Variants in TSPYL5 observed in about 807,000 individuals in gnomAD.
TSPYL5 encodes the protein testis-specific Y-encoded-like protein 5.
For missense variants in TSPYL5, 556 were observed against 555.5 expected (o/e 1.00, Z -0.01); for synonymous variants, 276 against 236.1 (o/e 1.17, Z -1.55).
rs1296224166 is a variant in TSPYL5, at chr8:97,273,524, T to C, written c.*3067A>G. The C allele has an allele frequency of 6.6e-6, 1 of 152,596 alleles. No homozygotes were observed. The highest frequency in any genetic ancestry group is 1.5e-5 in the Non-Finnish European group (1 of 68,026). The allele number at this position is 152,596 out of a possible 1,614,324, so 9.5% of individuals were successfully genotyped here. A position where few individuals can be genotyped will look rare whatever the true frequency, so the allele number is the denominator to read the frequency against. On this transcript the variant is annotated 3_prime_UTR_variant, in exon 1 of 1. Coordinates refer to ENST00000322128, the MANE Select transcript of TSPYL5 (RefSeq NM_033512.3). Reference sequence around the variant, plus strand: ...CAGGTTTTTATTTTTCCATCATGCATGCAAACTTACAACTATTTATACTGT... The same window carrying C: ...CAGGTTTTTATTTTTCCATCATGCACGCAAACTTACAACTATTTATACTGT...
rs1810476118 is a variant in TSPYL5, at chr8:97,274,294, G to C, written c.*2297C>G. The stretch of plus-strand genomic sequence containing the variant: ...TGTATCTTCCCATTAGACTAAAATG[G>C]GGAAAGTCGTAAGACTTTAAAGGCA... On this transcript the variant is annotated 3_prime_UTR_variant, in exon 1 of 1. Coordinates refer to ENST00000322128, the MANE Select transcript of TSPYL5 (RefSeq NM_033512.3). The C allele has an allele frequency of 1.3e-5, 2 of 152,048 alleles. No individual in the cohort carries two copies. Among genetic ancestry groups the C allele is most frequent in the Admixed American group, 1.3e-4 (2 of 15,278 alleles). 9.4% of individuals were successfully genotyped at this position (152,048 alleles called of 1,614,324 possible).
In TSPYL5 at chr8:97,277,514, A is replaced by T. The variant is rs771859939; in HGVS notation, c.331T>A (p.Ser111Thr). 18 of 1,518,604 alleles carry T rather than the reference A, an allele frequency of 1.2e-5. No individual in the cohort carries two copies. The highest frequency in any genetic ancestry group is 1.4e-5 in the Non-Finnish European group (16 of 1,138,390). The allele number at this position is 1,518,604 out of a possible 1,614,324, so 94.1% of individuals were successfully genotyped here. A position where few individuals can be genotyped will look rare whatever the true frequency, so the allele number is the denominator to read the frequency against. The change falls in exon 1 of 1, where the codon TCT becomes ACT. Residue 111 changes from serine to threonine, a missense_variant. Ser to Thr is a moderately conservative substitution (Grantham distance 58, BLOSUM62 1). Coordinates refer to ENST00000322128, the MANE Select transcript of TSPYL5 (RefSeq NM_033512.3). The surrounding 1 kb of genome is among the most constrained non-coding windows in gnomAD (Gnocchi z 4.5). ...TCTGCGGCCAGGCGCTCCGAGAGAG[A>T]TGCGGCCTTCCCCGGGCCGGGCCTG... ...AARPGPGKAA[S>T]LSERLAADTV...
Position 97,276,865 on chromosome 8 carries a change from G to A in TSPYL5, c.980C>T (p.Pro327Leu), listed in dbSNP as rs1810527818. ...ATCATGCCCTGGGAGCCACTGGATT[G>A]GAGTAGAACGAGACACCACCTGGCC... ...PSGQVVSRST[P>L]IQWLPGHDLQ... Residue 327 changes from proline (P) to leucine (L), a missense_variant, in exon 1 of 1, where the codon CCA becomes CTA. Physicochemically the swap from Pro to Leu is moderately conservative, Grantham distance 98 (BLOSUM62 -3). Transcript: ENST00000322128. 2 of 1,614,130 alleles carry A rather than the reference G, an allele frequency of 1.2e-6. No homozygotes were observed. Among genetic ancestry groups the A allele is most frequent in the Middle Eastern group, 1.6e-4 (1 of 6,062 alleles).
At position 97,273,782 on chromosome 8, in the gene TSPYL5, G is replaced by C. The variant is rs1278721705; in HGVS notation, c.*2809C>G. The C allele has an allele frequency of 1.3e-5, 2 of 152,388 alleles. No homozygotes were observed. Among genetic ancestry groups the C allele is most frequent in the Non-Finnish European group, 2.9e-5 (2 of 68,032 alleles). The allele number at this position is 152,388 out of a possible 1,614,324, so 9.4% of individuals were successfully genotyped here. On this transcript the variant is annotated 3_prime_UTR_variant, in exon 1 of 1. Coordinates refer to ENST00000322128, the MANE Select transcript of TSPYL5 (RefSeq NM_033512.3). The stretch of plus-strand genomic sequence containing the variant: ...TTGACATTCTGGTGAAGGGTCTCAA[G>C]TACCTTACCATATCAGAATTTTTGA...
chr8:97,277,410 G>C lies in TSPYL5; in HGVS notation c.435C>G (p.Ala145=). Residue 145 remains alanine (A), a synonymous_variant, in exon 1 of 1, where the codon GCC becomes GCG. Transcript: ENST00000322128. This position sits in a 1 kb window ranked among gnomAD's most constrained non-coding sequence, Gnocchi z 4.5. ...APRVGNRRGP[A]GKKAPETCST... is the part of the protein sequence containing the mutation. ...TACAGGTTTCTGGGGCCTTCTTCCC[G>C]GCAGGGCCACGCCGGTTTCCAACGC... 6.4e-7 allele frequency: 1 copy of C among 1,573,870 alleles called. No homozygotes were observed. The highest frequency in any genetic ancestry group is 8.6e-7 in the Non-Finnish European group (1 of 1,162,326).
chr8:97,276,124 T>C lies in TSPYL5; in HGVS notation c.*467A>G, dbSNP rs1389874688. ...AAGTTCTGGCTGATGACTAATACCA[T>C]GTGCACTGGCTTCATTCTGCAGTGG... On this transcript the variant is annotated 3_prime_UTR_variant, in exon 1 of 1. Transcript: ENST00000322128. The C allele has an allele frequency of 1.2e-5, 2 of 163,182 alleles. No individual in the cohort carries two copies. Among genetic ancestry groups the C allele is most frequent in the African/African-American group, 2.4e-5 (1 of 41,596 alleles). 10.1% of individuals were successfully genotyped at this position (163,182 alleles called of 1,614,324 possible).
In TSPYL5 at chr8:97,274,124, T is replaced by C. The variant is rs911765972; in HGVS notation, c.*2467A>G. The C allele has an allele frequency of 2.0e-5, 3 of 151,944 alleles. No individual in the cohort carries two copies. Among genetic ancestry groups the C allele is most frequent in the South Asian group, 2.1e-4 (1 of 4,814 alleles). 9.4% of individuals were successfully genotyped at this position (151,944 alleles called of 1,614,324 possible). On this transcript the variant is annotated 3_prime_UTR_variant, in exon 1 of 1. Coordinates refer to ENST00000322128, the MANE Select transcript of TSPYL5 (RefSeq NM_033512.3). ...GATACAGATGAAACCAGGTTGACCA[T>C]AGCTGATAAGTGATGCAGCTAGGTG...
rs1311926590 is a variant in TSPYL5, at chr8:97,276,604, C to T, written c.1241G>A (p.Ser414Asn). 2 of 1,612,896 alleles carry T rather than the reference C, an allele frequency of 1.2e-6. No homozygotes were observed. The highest frequency in any genetic ancestry group is 2.7e-5 in the African/African-American group (2 of 74,854). Residue 414 changes from serine to asparagine, a missense_variant, in exon 1 of 1, where the codon AGC (serine) becomes AAC (asparagine). Physicochemically the swap from Ser to Asn is conservative, Grantham distance 46. Coordinates refer to ENST00000322128, the MANE Select transcript of TSPYL5 (RefSeq NM_033512.3). ...QPMETTQPGVSQSN is the reference protein window; with the variant it reads ...QPMETTQPGVNQSN Reference sequence around the variant, plus strand: ...ACTTGTGCAGGATCAGTTGGATTGGCTCACCCCAGGCTGAGTAGTCTCCAT... The same window carrying T: ...ACTTGTGCAGGATCAGTTGGATTGGTTCACCCCAGGCTGAGTAGTCTCCAT...
At position 97,276,875 on chromosome 8, in the gene TSPYL5, G is replaced by C. The variant is rs867103164; in HGVS notation, c.970C>G (p.Arg324Gly). 1.2e-6 allele frequency: 2 copies of C among 1,614,148 alleles called. No individual in the cohort carries two copies. Among genetic ancestry groups the C allele is most frequent in the Non-Finnish European group, 8.5e-7 (1 of 1,180,018 alleles). Residue 324 changes from arginine to glycine, a missense_variant, in exon 1 of 1, where the codon CGT (arginine) becomes GGT (glycine). Physicochemically the swap from Arg to Gly is moderately radical, Grantham distance 125. Transcript: ENST00000322128. ...GCGPSGQVVS[R>G]STPIQWLPGH... ...GGGAGCCACTGGATTGGAGTAGAAC[G>C]AGACACCACCTGGCCAGAAGGACCA...
chr8:97,277,115 G>A lies in TSPYL5; in HGVS notation c.730C>T (p.Leu244Phe). The A allele has an allele frequency of 1.2e-6, 2 of 1,611,072 alleles. No individual in the cohort carries two copies. Among genetic ancestry groups the A allele is most frequent in the Non-Finnish European group, 1.7e-6 (2 of 1,180,026 alleles). ...CAGAAGCCCGGGATATTTTGGATGA[G>A]GTGGTTCCTGCGCTCCAAGTGCTGC... is the stretch of plus-strand genomic sequence containing the variant. ...RLQHLERRNH[L>F]IQNIPGFWGQ... Residue 244 changes from leucine to phenylalanine, a missense_variant, in exon 1 of 1, where the codon CTC (leucine) becomes TTC (phenylalanine). Leu to Phe is a conservative substitution (Grantham distance 22). Transcript: ENST00000322128. This position sits in a 1 kb window ranked among gnomAD's most constrained non-coding sequence, Gnocchi z 4.5.
At position 97,277,008 on chromosome 8, in the gene TSPYL5, G is replaced by A; in HGVS notation, c.837C>T (p.Ser279=). Residue 279 remains serine (S), a synonymous_variant, in exon 1 of 1, where the codon AGC becomes AGT. Coordinates refer to ENST00000322128, the MANE Select transcript of TSPYL5 (RefSeq NM_033512.3). This position sits in a 1 kb window ranked among gnomAD's most constrained non-coding sequence, Gnocchi z 4.5. The part of the protein sequence containing the change: ...QEKEVLSYLN[S]LEVEELGLAR... ...CAAGGCCGAGCTCTTCCACTTCCAA[G>A]CTGTTTAAGTAGCTCAGTACCTCTT... 3 of 1,614,228 alleles carry A rather than the reference G, an allele frequency of 1.9e-6. No homozygotes were observed. Among genetic ancestry groups the A allele is most frequent in the Non-Finnish European group, 1.7e-6 (2 of 1,180,046 alleles).
rs1355768739 is a variant in TSPYL5 at position 97,275,788 on chromosome 8, T to G, written c.*803A>C. 6.6e-6 allele frequency: 1 copy of G among 152,312 alleles called. No homozygotes were observed. The highest frequency in any genetic ancestry group is 1.5e-5 in the Non-Finnish European group (1 of 68,168). The allele number at this position is 152,312 out of a possible 1,614,324, so 9.4% of individuals were successfully genotyped here. A position where few individuals can be genotyped will look rare whatever the true frequency, so the allele number is the denominator to read the frequency against. Reference sequence around the variant, plus strand: ...GGGGCCTCGGTCCACAGGCAGTTCTTGAGGTCCTTGTTGACCAGGAAGCCA... The same window carrying G: ...GGGGCCTCGGTCCACAGGCAGTTCTGGAGGTCCTTGTTGACCAGGAAGCCA... On this transcript the variant is annotated 3_prime_UTR_variant, in exon 1 of 1. Coordinates refer to ENST00000322128, the MANE Select transcript of TSPYL5 (RefSeq NM_033512.3).
Position 97,274,316 on chromosome 8 carries a change from G to T in TSPYL5, c.*2275C>A, listed in dbSNP as rs1405569078. Reference sequence around the variant, plus strand: ...ATGGGGAAAGTCGTAAGACTTTAAAGGCAAAATGTGCAGCATATAGCATTC... The same window carrying T: ...ATGGGGAAAGTCGTAAGACTTTAAATGCAAAATGTGCAGCATATAGCATTC... On this transcript the variant is annotated 3_prime_UTR_variant, in exon 1 of 1. Transcript: ENST00000322128. The T allele has an allele frequency of 1.3e-5, 2 of 151,944 alleles. No individual in the cohort carries two copies. The highest frequency in any genetic ancestry group is 2.4e-5 in the African/African-American group (1 of 41,358). 9.4% of individuals were successfully genotyped at this position (151,944 alleles called of 1,614,324 possible).
rs1204666870 is a variant in TSPYL5 at position 97,277,582 on chromosome 8, G to T, written c.263C>A (p.Ala88Glu). 1.4e-6 allele frequency: 2 copies of T among 1,461,412 alleles called. No individual in the cohort carries two copies. The highest frequency in any genetic ancestry group is 1.4e-5 in the South Asian group (1 of 69,904). The allele number at this position is 1,461,412 out of a possible 1,614,324, so 90.5% of individuals were successfully genotyped here. The change falls in exon 1 of 1, where the codon GCG becomes GAG. Residue 88 changes from alanine (A) to glutamate (E), a missense_variant. Physicochemically the swap from Ala to Glu is moderately radical, Grantham distance 107 (BLOSUM62 -1). Coordinates refer to ENST00000322128, the MANE Select transcript of TSPYL5 (RefSeq NM_033512.3). This position sits in a 1 kb window ranked among gnomAD's most constrained non-coding sequence, Gnocchi z 4.5. ...ACRLPLDCGL[A>E]LRARAAGDHG... ...GTCCCCCGCAGCTCGGGCCCGCAGC[G>T]CGAGGCCACAGTCCAGGGGGAGCCG...
Position 97,277,232 on chromosome 8 carries a change from G to A in TSPYL5, c.613C>T (p.Leu205=). The change falls in exon 1 of 1, where the codon CTG becomes TTG. Residue 205 remains leucine (L), a synonymous_variant. Transcript: ENST00000322128. The surrounding 1 kb of genome is among the most constrained non-coding windows in gnomAD (Gnocchi z 4.5). ...PPATEGSMDT[L]ENVQLKLENM... ...TCCAGCTTCAGCTGCACGTTCTCCAGCGTATCCATGCTGCCTTCCGTCGCT... is the reference window on the plus strand; with the variant it reads ...TCCAGCTTCAGCTGCACGTTCTCCAACGTATCCATGCTGCCTTCCGTCGCT... 1.9e-6 allele frequency: 3 copies of A among 1,613,816 alleles called. No homozygotes were observed. Among genetic ancestry groups the A allele is most frequent in the Non-Finnish European group, 2.5e-6 (3 of 1,180,028 alleles).
In TSPYL5 at chr8:97,276,809, T is replaced by C. The variant is rs761287040; in HGVS notation, c.1036A>G (p.Asn346Asp). 1 of 1,614,140 alleles carries C rather than the reference T, an allele frequency of 6.2e-7. No individual in the cohort carries two copies. The highest frequency in any genetic ancestry group is 8.5e-7 in the Non-Finnish European group (1 of 1,180,012). Residue 346 changes from asparagine to aspartate, a missense_variant, in exon 1 of 1, where the codon AAC becomes GAC. Asn to Asp is a conservative substitution (Grantham distance 23). Transcript: ENST00000322128. ...AACCACCCAAAGAAACTACGGTTGT[T>C]TTCTGGGTTTCCCTGGCTTAGGGAC... ...LQSLSQGNPE[N>D]NRSFFGWFSN...
At position 97,276,858 on chromosome 8, in the gene TSPYL5, C is replaced by T. The variant is rs754875213; in HGVS notation, c.987G>A (p.Gln329=). 5 of 1,614,176 alleles carry T rather than the reference C, an allele frequency of 3.1e-6. 1 individual carries two copies. The South Asian group carries it at 4.4e-5, about 14-fold the overall frequency. ...GQVVSRSTPI[Q]WLPGHDLQSL... ...ACTGGAGATCATGCCCTGGGAGCCA[C>T]TGGATTGGAGTAGAACGAGACACCA... Residue 329 remains glutamine, a synonymous_variant, in exon 1 of 1, where the codon CAG becomes CAA. Transcript: ENST00000322128.
At position 97,277,783 on chromosome 8, in the gene TSPYL5, G is replaced by C; in HGVS notation, c.62C>G (p.Ala21Gly). Residue 21 changes from alanine (A) to glycine (G), a missense_variant, in exon 1 of 1, where the codon GCC becomes GGC. By Grantham distance (60) the Ala-to-Gly change is moderately conservative (BLOSUM62 0). Transcript: ENST00000322128. This position sits in a 1 kb window ranked among gnomAD's most constrained non-coding sequence, Gnocchi z 4.5. ...CGGAGCAGGGCGGACTCGGGCTTTG[G>C]CGCGGCCTTTGCCCCGGTTTTTGGC... ...SRAKNRGKGR[A>G]KARVRPAPDD... 6.6e-7 allele frequency: 1 copy of C among 1,504,678 alleles called. No individual in the cohort carries two copies. The highest frequency in any genetic ancestry group is 1.3e-5 in the South Asian group (1 of 77,494). 93.2% of individuals were successfully genotyped at this position (1,504,678 alleles called of 1,614,324 possible). A position where few individuals can be genotyped will look rare whatever the true frequency, so the allele number is the denominator to read the frequency against.
In TSPYL5 at chr8:97,277,240, A is replaced by G. The variant is rs1810537779; in HGVS notation, c.605T>C (p.Met202Thr). The G allele has an allele frequency of 1.2e-6, 2 of 1,613,760 alleles. No homozygotes were observed. The highest frequency in any genetic ancestry group is 2.7e-5 in the African/African-American group (2 of 74,900). ...CAGCTGCACGTTCTCCAGCGTATCC[A>G]TGCTGCCTTCCGTCGCTGGGGGCCC... Reference protein sequence around the residue: ...GSGPPATEGSMDTLENVQLKL... With the variant: ...GSGPPATEGSTDTLENVQLKL... The change falls in exon 1 of 1, where the codon ATG becomes ACG. Residue 202 changes from methionine to threonine, a missense_variant. Transcript: ENST00000322128. The surrounding 1 kb of genome is among the most constrained non-coding windows in gnomAD (Gnocchi z 4.5).
Sources: allele counts gnomAD v4.1 joint callset, GRCh38; gene constraint gnomAD v4.1.1; non-coding constraint Gnocchi (gnomAD v3.1); transcripts MANE v1.5; gene names NCBI Gene and HGNC (gene_info 2026-07-23, HGNC 2026-07-21).